Variants in BNIP1 observed in about 807,000 individuals in gnomAD.
BNIP1 encodes the protein vesicle transport protein SEC20.
BNIP1 carries 25 observed loss-of-function variants against 28.5 expected under a neutral mutation model. The ratio of observed to expected loss-of-function variants is 0.88; its 90% CI spans 0.64 to 1.23. BNIP1 has a LOEUF of 1.23. Among genes scored for constraint, BNIP1 ranks in the 50% most tolerant of loss-of-function variants. BNIP1 has a pLI of 0.00. For missense variants in BNIP1, 276 were observed against 277.0 expected (o/e 1.00, Z 0.02); for synonymous variants, 118 against 101.7 (o/e 1.16, Z -0.96).
intron 5 of BNIP1, among the ~76,000 whole-genome samples, chr5:173,163,042 A>G (rs1203109330): frequency 1.3e-5 from 2 of 152,010 alleles, no homozygotes; most frequent in African/African-American, 4.8e-5. Flanking sequence ...ATGCCTTGCT[A>G]TGTTTTGTGG....
At chr5:173,160,610 A>G (rs755730858) in intron 5 of BNIP1, among the ~76,000 whole-genome samples, 2 of 152,026 alleles carry the variant, frequency 1.3e-5, no homozygotes, top group African/African-American at 2.4e-5. Context: ...TGTTCATGTG[A>G]AAGGCAGAGG....
intron 5 of BNIP1, among the ~76,000 whole-genome samples, chr5:173,160,573 T>C (rs1760335033): frequency 6.6e-6 from 1 of 152,050 alleles, no homozygotes; most frequent in Non-Finnish European, 1.5e-5. Flanking sequence ...CCCCCATCGA[T>C]GTTTCCTCAG....
At chr5:173,144,685 G>C (rs1173633590) in intron 1 of BNIP1, 56 bp downstream of exon 1, 1 of 1,570,428 alleles carries the variant, frequency 6.4e-7, no homozygotes, top group Non-Finnish European at 8.7e-7. Context: ...AGCTCTGCTG[G>C]TCTGTGAGCT....
chr5:173,160,840 T>A, intron 5 of BNIP1: 2 of 456,264 alleles, frequency 4.4e-6, no homozygotes, highest in South Asian at 3.1e-5. Flanking sequence ...TTAAAAGATG[T>A]GAATCAGAGG....
At chr5:173,160,318 T>C (rs1409155679) in intron 5 of BNIP1, among the ~76,000 whole-genome samples, 1 of 151,190 alleles carries the variant, frequency 6.6e-6, no homozygotes, top group Non-Finnish European at 1.5e-5. Flanking sequence ...CACCGCAACC[T>C]CTGCCTCCTG....
At chr5:173,161,134 C>G in intron 5 of BNIP1, 1 of 240,876 alleles carries the variant, frequency 4.2e-6, no homozygotes. Flanking sequence ...TGAAGCAAAT[C>G]CCAGACATCA....
chr5:173,151,553 T>TA, intron 2 of BNIP1: 1 of 1,580,398 alleles, frequency 6.3e-7, no homozygotes, highest in East Asian at 2.2e-5. Context: ...GTCATTTTTT[T>TA]TTTTTTTTTT....
chr5:173,157,661 C>T (rs1486820370), intron 3 of BNIP1, among the ~76,000 whole-genome samples: 2 of 152,070 alleles, frequency 1.3e-5, no homozygotes, highest in African/African-American at 2.4e-5. Flanking sequence ...GTGACCCACC[C>T]GCCTCGGCCT....
At chr5:173,148,281 G>A (rs1445153162) in intron 2 of BNIP1, among the ~76,000 whole-genome samples, 1 of 151,214 alleles carries the variant, frequency 6.6e-6, no homozygotes, top group Non-Finnish European at 1.5e-5. Context: ...AGACAGAATT[G>A]GGATTCAGCT....
chr5:173,160,338 G>A (rs895101187), intron 5 of BNIP1, among the ~76,000 whole-genome samples: 5 of 151,594 alleles, frequency 3.3e-5, no homozygotes, highest in South Asian at 2.1e-4. Flanking sequence ...GGTTTCAAGC[G>A]ATTCTCCTGC....
chr5:173,154,478 C>T (rs1162662211), intron 3 of BNIP1, 65 bp downstream of exon 3: 16 of 1,310,754 alleles, frequency 1.2e-5, no homozygotes, highest in Non-Finnish European at 1.7e-5. Context: ...GAGCCTTGCA[C>T]GTGTGTTTGC....
intron 5 of BNIP1, chr5:173,160,744 T>C: frequency 2.2e-6 from 1 of 451,678 alleles, no homozygotes. Flanking sequence ...CTCCAAGAGA[T>C]GTTTGGCGAA....
At chr5:173,158,665 T>TG in intron 3 of BNIP1, 79 bp from the exon 4 acceptor site, 5 of 1,162,972 alleles carry the variant, frequency 4.3e-6, no homozygotes, top group East Asian at 2.5e-5. Context: ...GTGCCTTTGT[T>TG]GGGGGGAAGT....
chr5:173,153,724 T>C (rs930692570), intron 2 of BNIP1, among the ~76,000 whole-genome samples: 3 of 152,178 alleles, frequency 2.0e-5, no homozygotes, highest in African/African-American at 7.2e-5. Flanking sequence ...TGCTGGTAGA[T>C]GGACATTTTT....
intron 2 of BNIP1, among the ~76,000 whole-genome samples, chr5:173,149,538 C>T (rs553899563): frequency 1.3e-5 from 2 of 152,216 alleles, no homozygotes; most frequent in South Asian, 4.1e-4. Flanking sequence ...ACCATATCAC[C>T]ATCCCTGGAT....
intron 4 of BNIP1, 50 bp downstream of exon 4, chr5:173,158,895 G>T: frequency 2.0e-6 from 3 of 1,470,538 alleles, no homozygotes; most frequent in South Asian, 2.4e-5. Context: ...GATAACAATT[G>T]GCAAGGTGTA....
At chr5:173,156,800 C>T (rs917261891) in intron 3 of BNIP1, among the ~76,000 whole-genome samples, 1 of 151,718 alleles carries the variant, frequency 6.6e-6, no homozygotes, top group African/African-American at 2.4e-5. Context: ...AGGCACCCGC[C>T]ACCACGCCTG....
Position 173,159,905 on chromosome 5 carries a change from TC to T in BNIP1, c.372-24del, listed in dbSNP as rs1177303952. The T allele has an allele frequency of 4.4e-6, 7 of 1,601,284 alleles. No homozygotes were observed. The African/African-American group carries it at 8.0e-5, about 18-fold the overall frequency. ...GCAGGGAGGCTTTTGTTGACATTCCTCCCCTTTCTCTTCCTCTGAACTTTTA... is the reference window on the plus strand; with the variant it reads ...GCAGGGAGGCTTTTGTTGACATTCCTCCCTTTCTCTTCCTCTGAACTTTTA... On this transcript the variant is annotated intron_variant, in intron 4 of 5. Coordinates refer to ENST00000351486, the MANE Select transcript of BNIP1 (RefSeq NM_001205.3).
chr5:173,153,900 T>G (rs767935468), intron 2 of BNIP1, among the ~76,000 whole-genome samples: 6 of 152,302 alleles, frequency 3.9e-5, no homozygotes, highest in Middle Eastern at 6.8e-3. Flanking sequence ...TCGTCTTTAA[T>G]TAAATAGGCA....
Sources: gnomAD v4.1 joint callset for allele counts (sites outside exome capture counted in the v4.1 genomes callset) on GRCh38, gnomAD v4.1.1 for gene constraint, MANE v1.5 for transcripts, NCBI Gene and HGNC (gene_info 2026-07-23, HGNC 2026-07-21) for gene names.